HYCC1: variants seen among roughly 807,000 people sequenced by gnomAD.
HYCC1 encodes the protein hyccin.
the HYCC1 span, among the ~76,000 whole-genome samples, chr7:22,973,176 G>A: frequency 6.6e-6 from 1 of 152,200 alleles, no homozygotes; most frequent in Non-Finnish European, 1.5e-5. Context: ...TTAGTGCTAA[G>A]ATCATTAAGA....
At chr7:22,910,777 T>A in the HYCC1 span, among the ~76,000 whole-genome samples, 1 of 152,026 alleles carries the variant, frequency 6.6e-6, no homozygotes, top group Non-Finnish European at 1.5e-5. Context: ...ATTTTCCCGG[T>A]TTTTTTGGGG....
chr7:23,002,133 A>G, the HYCC1 span, among the ~76,000 whole-genome samples: 1 of 102,740 alleles, frequency 9.7e-6, no homozygotes, highest in African/African-American at 3.9e-5. Context: ...AATGGTAAAA[A>G]TTGTATATAT....
At chr7:22,925,224 G>C in the HYCC1 span, among the ~76,000 whole-genome samples, 1 of 152,158 alleles carries the variant, frequency 6.6e-6, no homozygotes, top group Non-Finnish European at 1.5e-5. Context: ...AAACCACAAA[G>C]ATGGGGAAAA....
At chr7:22,999,578 T>TGG in the HYCC1 span, among the ~76,000 whole-genome samples, 1 of 152,148 alleles carries the variant, frequency 6.6e-6, no homozygotes, top group Non-Finnish European at 1.5e-5. Context: ...AGCCCGTTCA[T>TGG]ATAATTTATC....
chr7:22,942,190 T>C, the HYCC1 span: 3 of 152,306 alleles, frequency 2.0e-5, no homozygotes, highest in Non-Finnish European at 4.4e-5. Context: ...CTATTTTGGT[T>C]TTAAAAATAT....
chr7:23,009,509 C>T, the HYCC1 span, among the ~76,000 whole-genome samples: 1 of 152,120 alleles, frequency 6.6e-6, no homozygotes, highest in African/African-American at 2.4e-5. Context: ...GACCAAGTTA[C>T]AATGCCAAAT....
At chr7:22,964,358 A>G in the HYCC1 span, 5 of 964,760 alleles carry the variant, frequency 5.2e-6, no homozygotes, top group African/African-American at 6.4e-5. Context: ...ATAGATGAAC[A>G]GACTATAATT....
chr7:22,984,175 G>C, the HYCC1 span: 1 of 633,296 alleles, frequency 1.6e-6, no homozygotes, highest in Non-Finnish European at 2.8e-6. Flanking sequence ...GTGACTAACA[G>C]GTATGAAGTT....
the HYCC1 span, chr7:22,978,545 A>G: frequency 1.2e-5 from 12 of 1,031,868 alleles, no homozygotes; most frequent in East Asian, 5.1e-5. Flanking sequence ...GGTAAAAATC[A>G]TATCTTTTTA....
At chr7:22,931,893 G>A in the HYCC1 span, among the ~76,000 whole-genome samples, 5 of 152,182 alleles carry the variant, frequency 3.3e-5, no homozygotes, top group Non-Finnish European at 5.9e-5. Flanking sequence ...AGCAAAGTGT[G>A]GAAGATGTGA....
the HYCC1 span, among the ~76,000 whole-genome samples, chr7:22,974,975 T>C: frequency 3.3e-5 from 5 of 152,196 alleles, no homozygotes; most frequent in Non-Finnish European, 5.9e-5. Flanking sequence ...TCCACCATGA[T>C]TGTGAGGCTC....
chr7:22,913,027 G>C, the HYCC1 span, among the ~76,000 whole-genome samples: 2 of 152,046 alleles, frequency 1.3e-5, no homozygotes, highest in African/African-American at 4.8e-5. Context: ...GGGAAGCTGA[G>C]GCAGGAGAAT....
At chr7:22,978,328 T>C in the HYCC1 span, 2 of 1,613,980 alleles carry the variant, frequency 1.2e-6, no homozygotes, top group African/African-American at 2.7e-5. Flanking sequence ...ACATTTCTGC[T>C]GGCTGAGACT....
chr7:22,920,713 G>C, the HYCC1 span, among the ~76,000 whole-genome samples: 1 of 152,060 alleles, frequency 6.6e-6, no homozygotes, highest in African/African-American at 2.4e-5. Flanking sequence ...AATATATACC[G>C]GCATAAATGC....
chr7:22,956,106 T>C, the HYCC1 span, among the ~76,000 whole-genome samples: 1 of 151,740 alleles, frequency 6.6e-6, no homozygotes, highest in East Asian at 1.9e-4. Context: ...GAATGCTTTT[T>C]AAAGCTTATT....
At chr7:22,988,388 C>T in the HYCC1 span, among the ~76,000 whole-genome samples, 2 of 152,104 alleles carry the variant, frequency 1.3e-5, no homozygotes, top group Non-Finnish European at 2.9e-5. Context: ...CCTATGCTTG[C>T]ATTAAATTTA....
At chr7:22,972,492 T>A in the HYCC1 span, among the ~76,000 whole-genome samples, 1 of 152,194 alleles carries the variant, frequency 6.6e-6, no homozygotes, top group African/African-American at 2.4e-5. Context: ...CATAGTTTCA[T>A]TCTTAATATT....
chr7:22,968,630 C>T, the HYCC1 span, among the ~76,000 whole-genome samples: 1 of 152,132 alleles, frequency 6.6e-6, no homozygotes, highest in Non-Finnish European at 1.5e-5. Context: ...GGCTGTCACC[C>T]CCTTTGCTGG....
chr7:22,949,819 T>C, the HYCC1 span, among the ~76,000 whole-genome samples: 3 of 152,002 alleles, frequency 2.0e-5, no homozygotes, highest in African/African-American at 7.2e-5. Flanking sequence ...AAATGGCAAG[T>C]AGAAAAATAA....
Sources: gnomAD v4.1 joint callset for allele counts (sites outside exome capture counted in the v4.1 genomes callset) on GRCh38, gnomAD v4.1.1 for gene constraint, MANE v1.5 for transcripts, NCBI Gene and HGNC (gene_info 2026-07-23, HGNC 2026-07-21) for gene names.